Variants in ASB15 observed in about 807,000 individuals in gnomAD.
ASB15 encodes ankyrin repeat and SOCS box containing 15.
ASB15 carries 54 observed loss-of-function variants against 58.0 expected under a neutral mutation model. The ratio of observed to expected loss-of-function variants is 0.93; its 90% CI spans 0.75 to 1.17. The LOEUF is 1.17. Ranked by LOEUF, ASB15 falls within the 50% of genes most tolerant of loss-of-function variation. The pLI is 0.00. For synonymous variants in ASB15, 249 were observed against 262.4 expected (o/e 0.95, Z 0.50); for missense variants, 680 against 707.4 (o/e 0.96, Z 0.44).
intron 11 of ASB15, among the ~76,000 whole-genome samples, chr7:123,636,146 A>G (rs1483892712): frequency 6.6e-6 from 1 of 152,164 alleles, no homozygotes; most frequent in Non-Finnish European, 1.5e-5. Flanking sequence ...CAGAGCTGGG[A>G]GTTTAATCCA....
At position 123,624,668 on chromosome 7, in the gene ASB15, C is replaced by T. The variant is rs1301124535; in HGVS notation, c.551C>T (p.Ala184Val). The T allele has an allele frequency of 3.7e-6, 6 of 1,614,028 alleles. No homozygotes were observed. The highest frequency in any genetic ancestry group is 5.1e-6 in the Non-Finnish European group (6 of 1,180,032). The change falls in exon 8 of 12, where the codon GCA (alanine) becomes GTA (valine). Residue 184 changes from alanine to valine, a missense_variant. Ala to Val is a moderately conservative substitution (Grantham distance 64). Coordinates refer to ENST00000451215, the MANE Select transcript of ASB15 (RefSeq NM_001290258.2). The part of the protein sequence containing the change: ...CVKRWSAMHE[A>V]AKQGRKDIVA... ...AAGCGATGGTCAGCAATGCATGAAG[C>T]AGCCAAGCAAGGCCGAAAAGATATC...
rs748126737 is a variant in ASB15 at position 123,630,006 on chromosome 7, T to C, written c.1481T>C (p.Val494Ala). The C allele has an allele frequency of 1.9e-6, 3 of 1,600,962 alleles. No homozygotes were observed. Among genetic ancestry groups the C allele is most frequent in the East Asian group, 4.5e-5 (2 of 44,752 alleles). ...FITVPWMKHL[V>A]GRVTRVLIDY... Reference sequence around the variant, plus strand: ...ACAGTTCCTTGGATGAAGCACTTGGTAGGCAGAGTTACTCGTGTACTAATA... The same window carrying C: ...ACAGTTCCTTGGATGAAGCACTTGGCAGGCAGAGTTACTCGTGTACTAATA... The change falls in exon 11 of 12, where the codon GTA (valine) becomes GCA (alanine). Residue 494 changes from valine to alanine, a missense_variant. Coordinates refer to ENST00000451215, the MANE Select transcript of ASB15 (RefSeq NM_001290258.2).
intron 11 of ASB15, 76 bp downstream of exon 11, chr7:123,630,195 A>G: frequency 1.7e-6 from 2 of 1,160,792 alleles, no homozygotes; most frequent in Non-Finnish European, 2.4e-6. Flanking sequence ...GTCTTCTTTG[A>G]TACTTTTCCT....
intron 7 of ASB15, among the ~76,000 whole-genome samples, chr7:123,623,660 T>C (rs2116599918): frequency 6.6e-6 from 1 of 151,966 alleles, no homozygotes. Context: ...GGTCAGGAGT[T>C]TGAGACCAGC....
chr7:123,606,981 G>T (rs765503845), intron 2 of ASB15, among the ~76,000 whole-genome samples: 50 of 152,156 alleles, frequency 3.3e-4, no homozygotes, highest in Non-Finnish European at 6.2e-4. Flanking sequence ...AAGTGAGATT[G>T]CTGGATCATA....
chr7:123,624,693 C>T lies in ASB15; in HGVS notation c.576C>T (p.Ile192=). The change falls in exon 8 of 12, where the codon ATC becomes ATT. Residue 192 remains isoleucine, a synonymous_variant. Transcript: ENST00000451215. The part of the protein sequence containing the change: ...HEAAKQGRKD[I]VALLLKHGGN... ...CAGCCAAGCAAGGCCGAAAAGATAT[C>T]GTAGCTCTGCTGCTGAAACATGGAG... is the stretch of plus-strand genomic sequence containing the variant. The T allele has an allele frequency of 6.2e-7, 1 of 1,614,156 alleles. No individual in the cohort carries two copies. Among genetic ancestry groups the T allele is most frequent in the Non-Finnish European group, 8.5e-7 (1 of 1,180,030 alleles).
intron 1 of ASB15, among the ~76,000 whole-genome samples, chr7:123,578,208 G>A (rs948580003): frequency 1.3e-5 from 2 of 149,550 alleles, no homozygotes; most frequent in East Asian, 3.9e-4. Context: ...ATCTATTACT[G>A]TTTTCACTAT....
intron 1 of ASB15, among the ~76,000 whole-genome samples, chr7:123,592,947 G>C (rs559418484): frequency 6.6e-6 from 1 of 151,864 alleles, no homozygotes; most frequent in Admixed American, 6.6e-5. Flanking sequence ...TATGAATCTC[G>C]GTGCTCCTGT....
intron 2 of ASB15, among the ~76,000 whole-genome samples, chr7:123,607,875 A>G (rs1800226883): frequency 6.6e-6 from 1 of 152,186 alleles, no homozygotes; most frequent in South Asian, 2.1e-4. Flanking sequence ...ACGTCTACTA[A>G]TAAGTTGTCT....
chr7:123,637,290 T>C lies in ASB15; in HGVS notation c.*309T>C, dbSNP rs1232018649. 5.6e-6 allele frequency: 1 copy of C among 177,676 alleles called. No homozygotes were observed. Among genetic ancestry groups the C allele is most frequent in the African/African-American group, 2.4e-5 (1 of 41,956 alleles). The allele number at this position is 177,676 out of a possible 1,614,324, so 11.0% of individuals were successfully genotyped here. A position where few individuals can be genotyped will look rare whatever the true frequency, so the allele number is the denominator to read the frequency against. ...GTTTAAAAAACAGATAACCACTTTCTCAAACCCACATCTGCCAGTTGCTGG... is the reference window on the plus strand; with the variant it reads ...GTTTAAAAAACAGATAACCACTTTCCCAAACCCACATCTGCCAGTTGCTGG... On this transcript the variant is annotated 3_prime_UTR_variant, in exon 12 of 12. Transcript: ENST00000451215.
chr7:123,601,567 T>A (rs923737773), upstream of ASB15, among the ~76,000 whole-genome samples: 1 of 152,192 alleles, frequency 6.6e-6, no homozygotes, highest in Non-Finnish European at 1.5e-5. Flanking sequence ...TGTGCGTTAA[T>A]TCCAAGTGGT....
intron 1 of ASB15, 91 bp from the exon 2 acceptor site, chr7:123,603,941 T>C (rs1800012368): frequency 6.6e-6 from 1 of 152,208 alleles, no homozygotes; most frequent in Non-Finnish European, 1.5e-5. Context: ...CTTAAACTTG[T>C]GTTGGTCTGA....
At chr7:123,629,862 T>G in intron 10 of ASB15, 104 bp from the exon 11 acceptor site, 2 of 858,056 alleles carry the variant, frequency 2.3e-6, no homozygotes, top group Non-Finnish European at 1.7e-6. Flanking sequence ...GAGAGATCTT[T>G]TATTTTCTGT....
chr7:123,616,445 A>G lies in ASB15; in HGVS notation c.242A>G (p.His81Arg). Residue 81 changes from histidine to arginine, a missense_variant, in exon 6 of 12, where the codon CAT (histidine) becomes CGT (arginine). Coordinates refer to ENST00000451215, the MANE Select transcript of ASB15 (RefSeq NM_001290258.2). ...GATGAAAAAGGATGGTTTCCATTGC[A>G]TGAAGCTGTTGTTCAACCCATTCAA... The part of the protein sequence containing the change: ...EADEKGWFPL[H>R]EAVVQPIQQI... 2 of 1,611,888 alleles carry G rather than the reference A, an allele frequency of 1.2e-6. No individual in the cohort carries two copies. The highest frequency in any genetic ancestry group is 1.7e-6 in the Non-Finnish European group (2 of 1,178,182).
At chr7:123,620,804 C>T (rs934787974) in intron 7 of ASB15, among the ~76,000 whole-genome samples, 2 of 150,910 alleles carry the variant, frequency 1.3e-5, no homozygotes, top group Non-Finnish European at 3.0e-5. Flanking sequence ...CCTCGTGATC[C>T]GCCCTCCTCG....
chr7:123,598,114 T>C (rs1318889085), upstream of ASB15, among the ~76,000 whole-genome samples: 1 of 152,110 alleles, frequency 6.6e-6, no homozygotes, highest in Non-Finnish European at 1.5e-5. Flanking sequence ...ATGCATATAC[T>C]AAAATGTGTG....
intron 9 of ASB15, among the ~76,000 whole-genome samples, chr7:123,628,400 T>C (rs1801930890): frequency 6.6e-6 from 1 of 152,222 alleles, no homozygotes; most frequent in South Asian, 2.1e-4. Context: ...AGATTGTTCT[T>C]CTGTTAAATG....
rs1802368264 is a variant in ASB15 at position 123,635,441 on chromosome 7, T to C, written c.1595-1368T>C. Among the ~76,000 whole-genome samples the C allele has an allele frequency of 2.0e-5, 3 of 152,290 alleles. No individual in the cohort carries two copies. The South Asian group carries it at 6.2e-4, about 32-fold the overall frequency. ...AAATGGTGAGGCTTAGATAAGTTAA[T>C]TTCTCATAGTAATAGACATAGAAAA... On this transcript the variant is annotated intron_variant, in intron 11 of 11. Coordinates refer to ENST00000451215, the MANE Select transcript of ASB15 (RefSeq NM_001290258.2).
chr7:123,578,484 A>G (rs1799131788), intron 1 of ASB15, among the ~76,000 whole-genome samples: 1 of 151,754 alleles, frequency 6.6e-6, no homozygotes, highest in Non-Finnish European at 1.5e-5. Context: ...TTTCCTCTAT[A>G]CTTTTAGTAC....
Sources: gnomAD v4.1 joint callset for allele counts (sites outside exome capture counted in the v4.1 genomes callset) on GRCh38, gnomAD v4.1.1 for gene constraint, MANE v1.5 for transcripts, NCBI Gene and HGNC (gene_info 2026-07-23, HGNC 2026-07-21) for gene names.